The following RANBP17 variants were observed in gnomAD, a reference collection of about 807,000 sequenced individuals.
RANBP17 encodes the protein ran-binding protein 17.
Under a neutral mutation model 141.2 loss-of-function variants are expected in RANBP17, and 158 were observed. The ratio of observed to expected loss-of-function variants is 1.12; its 90% confidence interval spans 0.98 to 1.28. The LOEUF (loss-of-function observed/expected upper bound fraction) is 1.28, where lower values mean the gene tolerates loss of function less well. RANBP17 is among the 50% of genes most tolerant of loss of function. The pLI is 0.00. For missense variants in RANBP17, 1,438 were observed against 1,290.7 expected, an observed-to-expected ratio of 1.11 and a Z score of -1.75; for synonymous variants, 430 against 450.0, an observed-to-expected ratio of 0.96 and a Z score of 0.56.
chr5:170,982,368 G>C (rs1777831234), intron 14 of RANBP17, among the ~76,000 whole-genome samples: 1 of 152,100 alleles, frequency 6.6e-6, no homozygotes, highest in Non-Finnish European at 1.5e-5. Flanking sequence ...ATTGACAATA[G>C]CTAGCCTCTT....
At chr5:171,221,010 T>C (rs1203736982) in intron 21 of RANBP17, among the ~76,000 whole-genome samples, 2 of 152,234 alleles carry the variant, frequency 1.3e-5, no homozygotes, top group African/African-American at 2.4e-5. Flanking sequence ...TCTTTAGCAA[T>C]GTCTTGCTTT....
At chr5:170,954,544 A>C (rs867401155) in intron 13 of RANBP17, among the ~76,000 whole-genome samples, 11 of 125,444 alleles carry the variant, frequency 8.8e-5, no homozygotes, top group East Asian at 6.2e-4. Flanking sequence ...ACACACACAC[A>C]CCCCAACCCC....
intron 14 of RANBP17, among the ~76,000 whole-genome samples, chr5:171,027,937 TATC>T (rs1328614903): frequency 6.6e-6 from 1 of 152,076 alleles, no homozygotes; most frequent in African/African-American, 2.4e-5. Flanking sequence ...TTTATTAAAG[TATC>T]ATCTGTTAGC....
At chr5:171,193,912 G>A (rs965155359) in intron 18 of RANBP17, among the ~76,000 whole-genome samples, 1 of 152,096 alleles carries the variant, frequency 6.6e-6, no homozygotes, top group Non-Finnish European at 1.5e-5. Flanking sequence ...GAATTAGAAC[G>A]GATATCTTTG....
At chr5:170,974,810 G>T (rs920524459) in intron 14 of RANBP17, among the ~76,000 whole-genome samples, 4 of 152,146 alleles carry the variant, frequency 2.6e-5, no homozygotes, top group African/African-American at 4.8e-5. Context: ...CTGCACTTGG[G>T]CCTATGGAAC....
intron 14 of RANBP17, among the ~76,000 whole-genome samples, chr5:170,988,614 C>T (rs1325920052): frequency 2.0e-5 from 3 of 151,486 alleles, no homozygotes; most frequent in Admixed American, 6.6e-5. Flanking sequence ...AGGCAATCTT[C>T]GTCCACAAAT....
intron 25 of RANBP17, among the ~76,000 whole-genome samples, chr5:171,285,174 A>G (rs1261392024): frequency 1.3e-5 from 2 of 152,204 alleles, no homozygotes; most frequent in African/African-American, 4.8e-5. Flanking sequence ...GTAATGCTAT[A>G]TGCATCTTTT....
chr5:170,868,853 A>G (rs756984086), intron 1 of RANBP17, among the ~76,000 whole-genome samples: 2 of 152,224 alleles, frequency 1.3e-5, no homozygotes, highest in Non-Finnish European at 2.9e-5. Flanking sequence ...AGTGCTAAAC[A>G]GAAGATTGCT....
At chr5:171,175,964 C>T (rs1370967508) in intron 16 of RANBP17, among the ~76,000 whole-genome samples, 1 of 152,092 alleles carries the variant, frequency 6.6e-6, no homozygotes, top group African/African-American at 2.4e-5. Flanking sequence ...TTCAAGACCT[C>T]AACAGCAAAG....
intron 14 of RANBP17, among the ~76,000 whole-genome samples, chr5:171,000,714 T>C (rs570714666): frequency 1.4e-4 from 21 of 152,228 alleles, no homozygotes; most frequent in Admixed American, 5.2e-4. Flanking sequence ...TTAGTTCTTA[T>C]AGGTTTTGGG....
At chr5:170,933,671 A>G (rs998362498) in intron 12 of RANBP17, among the ~76,000 whole-genome samples, 3 of 152,142 alleles carry the variant, frequency 2.0e-5, no homozygotes, top group Non-Finnish European at 4.4e-5. Flanking sequence ...TTCGTTATGT[A>G]CCCAGTAGTC....
chr5:171,068,919 C>T (rs1784473030), intron 14 of RANBP17, among the ~76,000 whole-genome samples: 1 of 152,118 alleles, frequency 6.6e-6, no homozygotes. Flanking sequence ...TGCAGTTACT[C>T]GTTTATTTAG....
At chr5:170,915,120 C>T (rs950653289) in intron 8 of RANBP17, among the ~76,000 whole-genome samples, 3 of 151,980 alleles carry the variant, frequency 2.0e-5, no homozygotes, top group Non-Finnish European at 4.4e-5. Flanking sequence ...GTCTTTTAGT[C>T]GCAACAGTCT....
intron 24 of RANBP17, chr5:171,251,834 C>G (rs1320903837): frequency 3.1e-6 from 4 of 1,290,882 alleles, no homozygotes; most frequent in Admixed American, 3.4e-5. Context: ...ATGACAGTCT[C>G]CAAATTCGCT....
At chr5:170,949,212 A>C (rs1035621872) in intron 12 of RANBP17, among the ~76,000 whole-genome samples, 4 of 152,210 alleles carry the variant, frequency 2.6e-5, no homozygotes, top group African/African-American at 9.6e-5. Flanking sequence ...TAGATAGACC[A>C]GAGTTTATCT....
At chr5:171,296,679 G>A (rs768977878) in intron 27 of RANBP17, among the ~76,000 whole-genome samples, 8 of 152,324 alleles carry the variant, frequency 5.3e-5, no homozygotes, top group Non-Finnish European at 8.8e-5. Context: ...TTGGGAAGCC[G>A]AGGTGGGTGG....
intron 13 of RANBP17, among the ~76,000 whole-genome samples, chr5:170,958,800 A>G (rs1775925922): frequency 6.6e-6 from 1 of 152,310 alleles, no homozygotes; most frequent in African/African-American, 2.4e-5. Context: ...ATGCTACTTT[A>G]AACATAGCAA....
chr5:171,234,488 T>C (rs1764411703), intron 22 of RANBP17, among the ~76,000 whole-genome samples: 1 of 152,190 alleles, frequency 6.6e-6, no homozygotes, highest in African/African-American at 2.4e-5. Context: ...AAGGATAGAC[T>C]ATAGAGGATT....
At chr5:171,236,497 A>G (rs1764555618) in intron 22 of RANBP17, among the ~76,000 whole-genome samples, 1 of 152,232 alleles carries the variant, frequency 6.6e-6, no homozygotes, top group South Asian at 2.1e-4. Flanking sequence ...AGGCTGTCAA[A>G]TGATAGAGTA....
Sources: allele counts gnomAD v4.1 joint callset (sites outside exome capture counted in the v4.1 genomes callset), GRCh38; gene constraint gnomAD v4.1.1; transcripts MANE v1.5; gene names NCBI Gene and HGNC (gene_info 2026-07-23, HGNC 2026-07-21).